OPRK1: variants seen among roughly 807,000 people sequenced by gnomAD.
The protein encoded by OPRK1 is kappa-type opioid receptor.
In OPRK1, 15 loss-of-function variants were observed where a neutral mutation model predicts 24.5. The observed-to-expected ratio is 0.61, with a 90% confidence interval of 0.41 to 0.94. OPRK1 has a LOEUF of 0.94. Ranked by LOEUF, OPRK1 falls within the 40% of genes least tolerant of loss-of-function variation. OPRK1 has a pLI of 0.00. For missense variants in OPRK1, 479 were observed against 507.3 expected (o/e 0.94, Z 0.54); for synonymous variants, 205 against 198.0 (o/e 1.04, Z -0.30).
intron 2 of OPRK1, among the ~76,000 whole-genome samples, chr8:53,237,030 G>A (rs1807012176): frequency 6.6e-6 from 1 of 152,122 alleles, no homozygotes; most frequent in African/African-American, 2.4e-5. Flanking sequence ...ACTATAAAAT[G>A]GAAACTATAA....
intron 2 of OPRK1, among the ~76,000 whole-genome samples, chr8:53,237,796 T>C (rs2128809040): frequency 6.6e-6 from 1 of 152,322 alleles, no homozygotes; most frequent in South Asian, 2.1e-4. Context: ...CCCTTCTAGT[T>C]TACCTGAAAG....
intron 2 of OPRK1, among the ~76,000 whole-genome samples, chr8:53,249,725 T>C (rs1314859592): frequency 6.6e-6 from 1 of 152,198 alleles, no homozygotes; most frequent in Non-Finnish European, 1.5e-5. Context: ...TTGTTAAAGT[T>C]CATAATAAAT....
At chr8:53,246,850 A>G (rs1388642759) in intron 2 of OPRK1, among the ~76,000 whole-genome samples, 3 of 152,208 alleles carry the variant, frequency 2.0e-5, no homozygotes, top group Non-Finnish European at 4.4e-5. Context: ...GGGTTTGGGA[A>G]TAAGGGTAGA....
chr8:53,243,025 CCTCCAAAGAAAGGGAAAAAAAGGGACTG>C, intron 2 of OPRK1: 1 of 1,164,422 alleles, frequency 8.6e-7, no homozygotes, highest in Non-Finnish European at 1.1e-6. Context: ...ACCAGCACCC[CCTCCAAAGAAAGGGAAAAAAAGGGACTG>C]CTGCTGATCT....
intron 2 of OPRK1, among the ~76,000 whole-genome samples, chr8:53,245,469 C>T (rs895178961): frequency 4.6e-5 from 7 of 152,198 alleles, no homozygotes; most frequent in African/African-American, 1.7e-4. Flanking sequence ...ACAGGGGTTG[C>T]TTAACCCACC....
chr8:53,239,582 A>G (rs938979354), intron 2 of OPRK1, among the ~76,000 whole-genome samples: 2 of 152,198 alleles, frequency 1.3e-5, no homozygotes. Context: ...AATCACTTTA[A>G]CATTTATTGA....
At chr8:53,248,895 A>G (rs533415537) in intron 2 of OPRK1, among the ~76,000 whole-genome samples, 1 of 152,330 alleles carries the variant, frequency 6.6e-6, no homozygotes, top group South Asian at 2.1e-4. Flanking sequence ...ATGTATGTGA[A>G]CTATCCAACT....
chr8:53,227,309 A>C lies in OPRK1; in HGVS notation c.*1988T>G, dbSNP rs1328784847. 6.6e-6 allele frequency: 1 copy of C among 151,982 alleles called. No homozygotes were observed. Among genetic ancestry groups the C allele is most frequent in the Non-Finnish European group, 1.5e-5 (1 of 68,048 alleles). 9.4% of individuals were successfully genotyped at this position (151,982 alleles called of 1,614,324 possible). A position where few individuals can be genotyped will look rare whatever the true frequency, so the allele number is the denominator to read the frequency against. ...CAGAAAAAATTAAAGGAAACACACT[A>C]CTGTGATTTCATCTCATAATCCTAT... On this transcript the variant is annotated 3_prime_UTR_variant, in exon 4 of 4. Coordinates refer to ENST00000265572, the MANE Select transcript of OPRK1 (RefSeq NM_000912.5).
At chr8:53,238,472 G>A in intron 2 of OPRK1, 2 of 893,574 alleles carry the variant, frequency 2.2e-6, no homozygotes, top group Non-Finnish European at 2.7e-6. Context: ...AAACAGTACG[G>A]TGCATGGAAT....
rs894294371 is a variant in OPRK1 at position 53,228,950 on chromosome 8, G to C, written c.*347C>G. ...TTCTTTTCCTTTTTTCTTAAACCGA[G>C]CTTTTGAAACTACGTTTCATAGGAA... On this transcript the variant is annotated 3_prime_UTR_variant, in exon 4 of 4. Coordinates refer to ENST00000265572, the MANE Select transcript of OPRK1 (RefSeq NM_000912.5). 1.1e-5 allele frequency: 2 copies of C among 178,684 alleles called. No individual in the cohort carries two copies. Among genetic ancestry groups the C allele is most frequent in the African/African-American group, 4.7e-5 (2 of 42,396 alleles). The allele number at this position is 178,684 out of a possible 1,614,324, so 11.1% of individuals were successfully genotyped here.
At chr8:53,233,969 G>A (rs1189257301) in intron 3 of OPRK1, among the ~76,000 whole-genome samples, 4 of 151,904 alleles carry the variant, frequency 2.6e-5, no homozygotes, top group African/African-American at 7.3e-5. Flanking sequence ...AGGCCGAGGC[G>A]GGCAGATCAC....
chr8:53,229,090 T>A lies in OPRK1; in HGVS notation c.*207A>T. 1.8e-6 allele frequency: 1 copy of A among 548,530 alleles called. No individual in the cohort carries two copies. Among genetic ancestry groups the A allele is most frequent in the South Asian group, 2.4e-5 (1 of 42,512 alleles). 34.0% of individuals were successfully genotyped at this position (548,530 alleles called of 1,614,324 possible). On this transcript the variant is annotated 3_prime_UTR_variant, in exon 4 of 4. Transcript: ENST00000265572. The stretch of plus-strand genomic sequence containing the variant: ...TCGCTTCTGTGCCCTAGAGAAGAGG[T>A]GCATGTGTTGCGTGGACCTTTTGTC...
intron 2 of OPRK1, among the ~76,000 whole-genome samples, chr8:53,241,945 C>T (rs964568232): frequency 6.6e-6 from 1 of 152,184 alleles, no homozygotes; most frequent in Non-Finnish European, 1.5e-5. Flanking sequence ...TGGAATCATG[C>T]GCCTCTGGAC....
chr8:53,247,922 C>T (rs1011539089), intron 2 of OPRK1, among the ~76,000 whole-genome samples: 2 of 133,490 alleles, frequency 1.5e-5, no homozygotes, highest in Admixed American at 1.8e-4. Context: ...GCCTGGGAGG[C>T]AGAGGTTGCA....
chr8:53,230,907 A>G (rs1200923866), intron 3 of OPRK1, among the ~76,000 whole-genome samples: 2 of 152,232 alleles, frequency 1.3e-5, no homozygotes, highest in Non-Finnish European at 2.9e-5. Context: ...AAAATAGCAC[A>G]TGAATATTTT....
chr8:53,250,963 G>T lies in OPRK1; in HGVS notation c.75C>A (p.Asn25Lys), dbSNP rs751224173. ...TCAPSACLPP[N>K]SSAWFPGWAE... ...CCCAGCCGGGAAACCAGGCGCTGCT[G>T]TTGGGGGGCAGGCAGGCGCTCGGGG... The change falls in exon 2 of 4, where the codon AAC becomes AAA. Residue 25 changes from asparagine to lysine, a missense_variant. Transcript: ENST00000265572. 5 of 1,607,852 alleles carry T rather than the reference G, an allele frequency of 3.1e-6. No homozygotes were observed. In the Admixed American group the frequency reaches 8.4e-5, roughly 27 times the overall value.
rs551577206 is a variant in OPRK1, at chr8:53,230,050, T to G, written c.611-221A>C. The stretch of plus-strand genomic sequence containing the variant: ...AACAATGATGATAGTCACTGTTTAC[T>G]GGTAACATACACAATACTGTAGAAT... On this transcript the variant is annotated intron_variant, in intron 3 of 3. Transcript: ENST00000265572. 3.3e-5 allele frequency among the ~76,000 whole-genome samples: 5 copies of G among 152,036 alleles called. No homozygotes were observed. In the South Asian group the frequency reaches 1.0e-3, roughly 32 times the overall value.
intron 2 of OPRK1, among the ~76,000 whole-genome samples, chr8:53,237,452 C>G (rs1585632702): frequency 6.6e-6 from 1 of 152,158 alleles, no homozygotes; most frequent in Non-Finnish European, 1.5e-5. Flanking sequence ...CTGCAGATCT[C>G]AGAGAGATGA....
At chr8:53,243,384 A>T (rs558065972) in intron 2 of OPRK1, among the ~76,000 whole-genome samples, 1 of 152,366 alleles carries the variant, frequency 6.6e-6, no homozygotes, top group African/African-American at 2.4e-5. Context: ...TTCTGAAACT[A>T]ACTCTGAGAC....
Sources: gnomAD v4.1 joint callset for allele counts (sites outside exome capture counted in the v4.1 genomes callset) on GRCh38, gnomAD v4.1.1 for gene constraint, MANE v1.5 for transcripts, NCBI Gene and HGNC (gene_info 2026-07-23, HGNC 2026-07-21) for gene names.